Variants in CDH12 observed in about 807,000 individuals in gnomAD.
CDH12 encodes the protein cadherin-12.
CDH12 carries 41 observed loss-of-function variants against 74.1 expected under a neutral mutation model. That is an observed-to-expected ratio of 0.55 (90% CI 0.43 to 0.72). The LOEUF (loss-of-function observed/expected upper bound fraction) is 0.72, where lower values mean the gene tolerates loss of function less well. Among genes scored for constraint, CDH12 ranks in the 30% least tolerant of loss-of-function variants. The pLI is 0.00. For synonymous variants in CDH12, 399 were observed against 355.0 expected, an observed-to-expected ratio of 1.12 and a Z score of -1.39; for missense variants, 945 against 977.2, an observed-to-expected ratio of 0.97 and a Z score of 0.44.
At chr5:22,710,214 A>T (rs1472907403) in intron 1 of CDH12, among the ~76,000 whole-genome samples, 1 of 152,224 alleles carries the variant, frequency 6.6e-6, no homozygotes, top group Non-Finnish European at 1.5e-5. Flanking sequence ...CAAAGTGACC[A>T]ACAGGTACCT....
intron 2 of CDH12, among the ~76,000 whole-genome samples, chr5:22,483,444 T>C (rs1269872812): frequency 6.6e-6 from 1 of 151,850 alleles, no homozygotes; most frequent in Non-Finnish European, 1.5e-5. Flanking sequence ...ATGAAGATGA[T>C]TTCCTAGTGG....
Position 22,403,129 on chromosome 5 carries a change from C to T in CDH12, c.-333+2128G>A, listed in dbSNP as rs534776947. Among the ~76,000 whole-genome samples, 448 of 152,274 alleles carry T rather than the reference C, an allele frequency of 2.9e-3. 2 individuals carry two copies. Among genetic ancestry groups the T allele is most frequent in the Non-Finnish European group, 5.6e-3 (380 of 68,008 alleles). ...AGGAGAGAGGCATGGACTGCATTCT[C>T]CCAGAAAGGACCAACCCTACTGGTA... On this transcript the variant is annotated intron_variant, in intron 3 of 14. Coordinates refer to ENST00000382254, the MANE Select transcript of CDH12 (RefSeq NM_004061.5).
chr5:22,091,346 A>T lies in CDH12; in HGVS notation c.-186-12484T>A, dbSNP rs1743424077. ...GGGAGAGTGTTAGAGGCCTGGCAGC[A>T]TACAAGATCAATATACAAAACTCAA... is the stretch of plus-strand genomic sequence containing the variant. On this transcript the variant is annotated intron_variant, in intron 4 of 14. Coordinates refer to ENST00000382254, the MANE Select transcript of CDH12 (RefSeq NM_004061.5). Among the ~76,000 whole-genome samples the T allele has an allele frequency of 2.0e-5, 3 of 150,580 alleles. No individual in the cohort carries two copies. In the South Asian group the frequency reaches 6.3e-4, roughly 32 times the overall value.
intron 1 of CDH12, among the ~76,000 whole-genome samples, chr5:22,656,440 G>A (rs1740039224): frequency 6.6e-6 from 1 of 152,090 alleles, no homozygotes; most frequent in African/African-American, 2.4e-5. Context: ...GAAACATCAA[G>A]AGAACACAAA....
At chr5:22,419,248 C>T (rs376409441) in intron 2 of CDH12, among the ~76,000 whole-genome samples, 2 of 152,200 alleles carry the variant, frequency 1.3e-5, no homozygotes, top group African/African-American at 4.8e-5. Context: ...TCTATCAACC[C>T]ATCACCTAGA....
At chr5:22,563,830 A>T (rs1161111829) in intron 1 of CDH12, among the ~76,000 whole-genome samples, 1 of 152,130 alleles carries the variant, frequency 6.6e-6, no homozygotes, top group Non-Finnish European at 1.5e-5. Flanking sequence ...GCAGGCAAAG[A>T]GAGGGCTTGT....
At chr5:21,764,753 A>T (rs752865009) in intron 12 of CDH12, among the ~76,000 whole-genome samples, 11 of 152,126 alleles carry the variant, frequency 7.2e-5, no homozygotes, top group Non-Finnish European at 1.5e-4. Context: ...TTATACAAAG[A>T]ACTTTCACTA....
At chr5:21,851,008 C>T (rs186011035) in intron 7 of CDH12, among the ~76,000 whole-genome samples, 25 of 151,138 alleles carry the variant, frequency 1.7e-4, no homozygotes, top group Admixed American at 9.3e-4. Context: ...GAATTGTACA[C>T]TTAAAATGGT....
At chr5:22,537,269 T>C (rs573423551) in intron 1 of CDH12, among the ~76,000 whole-genome samples, 2 of 152,308 alleles carry the variant, frequency 1.3e-5, no homozygotes, top group South Asian at 2.1e-4. Context: ...AAGGTACCCA[T>C]TGGCAATACC....
At chr5:22,846,160 A>C (rs889077136) in intron 1 of CDH12, among the ~76,000 whole-genome samples, 1 of 152,194 alleles carries the variant, frequency 6.6e-6, no homozygotes, top group Non-Finnish European at 1.5e-5. Flanking sequence ...TATGTTATTT[A>C]CTGAGATAAA....
In CDH12 at chr5:22,126,009, G is replaced by GA. The variant is rs547705011; in HGVS notation, c.-186-47148dup. On this transcript the variant is annotated intron_variant, in intron 4 of 14. Coordinates refer to ENST00000382254, the MANE Select transcript of CDH12 (RefSeq NM_004061.5). ...TGTATTTCATTCATTTTGGGGGGGG[G>GA]ACAAATTCTACAAACTGCTTTAATA... Among the ~76,000 whole-genome samples the GA allele has an allele frequency of 6.6e-4, 92 of 138,636 alleles. 2 individuals carry two copies. In the East Asian group the frequency reaches 0.017, roughly 26 times the overall value. The allele number at this position is 138,636 out of a possible 152,430, so 91.0% of individuals were successfully genotyped here. A position where few individuals can be genotyped will look rare whatever the true frequency, so the allele number is the denominator to read the frequency against.
intron 1 of CDH12, among the ~76,000 whole-genome samples, chr5:22,616,869 C>CT (rs952806823): frequency 1.1e-4 from 17 of 149,328 alleles, no homozygotes; most frequent in Admixed American, 6.0e-4. Flanking sequence ...CCAATTTTCA[C>CT]TTTTTTTTTT....
intron 1 of CDH12, among the ~76,000 whole-genome samples, chr5:22,770,652 T>C (rs992473303): frequency 3.3e-5 from 5 of 152,170 alleles, no homozygotes; most frequent in African/African-American, 1.2e-4. Context: ...CAATTAATAA[T>C]ATGGTAGCAG....
intron 1 of CDH12, among the ~76,000 whole-genome samples, chr5:22,722,850 C>T (rs765436498): frequency 6.6e-6 from 1 of 152,152 alleles, no homozygotes; most frequent in Middle Eastern, 3.2e-3. Flanking sequence ...GTGTTTCTGT[C>T]CATATGTGTT....
intron 1 of CDH12, among the ~76,000 whole-genome samples, chr5:22,759,394 T>C (rs1328089323): frequency 2.6e-5 from 4 of 152,156 alleles, no homozygotes; most frequent in African/African-American, 9.7e-5. Flanking sequence ...GTTTTGGGGT[T>C]AAAAAGTACT....
intron 6 of CDH12, among the ~76,000 whole-genome samples, chr5:21,898,544 T>C (rs1753232215): frequency 6.6e-6 from 1 of 151,620 alleles, no homozygotes; most frequent in South Asian, 2.1e-4. Context: ...CTACTAAAAA[T>C]ACAAAAAATT....
intron 5 of CDH12, among the ~76,000 whole-genome samples, chr5:22,015,984 A>G (rs533012623): frequency 6.6e-6 from 1 of 151,858 alleles, no homozygotes; most frequent in African/African-American, 2.4e-5. Context: ...GAAATCTGTT[A>G]TCATCTTATT....
At position 22,117,882 on chromosome 5, in the gene CDH12, T is replaced by C. The variant is rs147982864; in HGVS notation, c.-186-39020A>G. ...TGTTTCCTTTAGAGTAGACTTAACA[T>C]AGATAACATAATTTAATTTTACAAT... On this transcript the variant is annotated intron_variant, in intron 4 of 14. Coordinates refer to ENST00000382254, the MANE Select transcript of CDH12 (RefSeq NM_004061.5). Among the ~76,000 whole-genome samples, 756 of 152,088 alleles carry C rather than the reference T, an allele frequency of 5.0e-3. 3 individuals carry two copies. Among genetic ancestry groups the C allele is most frequent in the African/African-American group, 0.017 (719 of 41,506 alleles).
At chr5:22,259,882 T>TA (rs1453839097) in intron 3 of CDH12, among the ~76,000 whole-genome samples, 1 of 151,906 alleles carries the variant, frequency 6.6e-6, no homozygotes, top group Non-Finnish European at 1.5e-5. Flanking sequence ...AAATAAATAA[T>TA]AAAACATATA....
Sources: allele counts gnomAD v4.1 joint callset (sites outside exome capture counted in the v4.1 genomes callset), GRCh38; gene constraint gnomAD v4.1.1; transcripts MANE v1.5; gene names NCBI Gene and HGNC (gene_info 2026-07-23, HGNC 2026-07-21).